The following ANKRD30BL variants were observed in gnomAD, a reference collection of about 807,000 sequenced individuals.
The protein encoded by ANKRD30BL is putative ankyrin repeat domain-containing protein 30B-like.
In ANKRD30BL, 20 loss-of-function variants were observed where a neutral mutation model predicts 18.4. That is an observed-to-expected ratio of 1.09 (90% CI 0.77 to 1.58). The LOEUF (loss-of-function observed/expected upper bound fraction) is 1.58, where lower values mean the gene tolerates loss of function less well. Among genes scored for constraint, ANKRD30BL ranks in the 40% most tolerant of loss-of-function variants. The pLI is 0.00. For synonymous variants in ANKRD30BL, 72 were observed against 100.9 expected, an observed-to-expected ratio of 0.71 and a Z score of 1.72; for missense variants, 224 against 268.6, an observed-to-expected ratio of 0.83 and a Z score of 1.16.
At chr2:132,183,758 T>C (rs1344735380) in intron 1 of ANKRD30BL, among the ~76,000 whole-genome samples, 1 of 152,260 alleles carries the variant, frequency 6.6e-6, no homozygotes, top group Admixed American at 6.5e-5. Context: ...TATGTGTGTA[T>C]ATGTGCATAT....
intron 1 of ANKRD30BL, among the ~76,000 whole-genome samples, chr2:132,197,984 CAGT>C (rs1181246439): frequency 4.6e-5 from 7 of 151,716 alleles, no homozygotes; most frequent in Non-Finnish European, 7.4e-5. Context: ...AAATTATAGA[CAGT>C]AGATTTACTC....
At chr2:132,194,043 T>G (rs1678911414) in intron 1 of ANKRD30BL, among the ~76,000 whole-genome samples, 1 of 126,860 alleles carries the variant, frequency 7.9e-6, no homozygotes, top group African/African-American at 3.4e-5. Flanking sequence ...TCTCTCTCTC[T>G]CTCTCTCTCT....
In ANKRD30BL at chr2:132,184,703, C is replaced by CT. The variant is rs76215687; in HGVS notation, n.442-27558dup. Reference sequence around the variant, plus strand: ...TGAAACGCATCATCCTATATCTTTCCTTTTTTTTTTCTGATTTTGTGACTT... The same window carrying CT: ...TGAAACGCATCATCCTATATCTTTCCTTTTTTTTTTTCTGATTTTGTGACTT... On this transcript the variant is annotated intron_variant and non_coding_transcript_variant, in intron 1 of 4. Transcript: ENST00000470729. Among the ~76,000 whole-genome samples, 243 of 148,198 alleles carry CT rather than the reference C, an allele frequency of 1.6e-3. 1 individual carries two copies. Among genetic ancestry groups the CT allele is most frequent in the East Asian group, 4.7e-3 (24 of 5,084 alleles).
intron 1 of ANKRD30BL, among the ~76,000 whole-genome samples, chr2:132,185,919 T>C (rs1474464347): frequency 2.6e-5 from 4 of 152,150 alleles, no homozygotes; most frequent in Admixed American, 6.6e-5. Context: ...GGAGGACGGA[T>C]CACTTGAGGT....
chr2:132,238,691 C>A (rs879031048), intron 1 of ANKRD30BL, among the ~76,000 whole-genome samples: 2 of 151,174 alleles, frequency 1.3e-5, no homozygotes, highest in African/African-American at 4.9e-5. Context: ...AGATTTGAAC[C>A]TTTCTTTTGA....
At position 132,220,872 on chromosome 2, in the gene ANKRD30BL, A is replaced by G. The variant is rs528402811; in HGVS notation, n.441+36657T>C. On this transcript the variant is annotated intron_variant and non_coding_transcript_variant, in intron 1 of 4. Coordinates refer to the ANKRD30BL transcript ENST00000470729. ...CCTCTGCCTGGCTGCCCAGTCTGGA[A>G]AGTCAGGAGCCTCTGCCCGGCCGCC... Among the ~76,000 whole-genome samples, 20 of 146,620 alleles carry G rather than the reference A, an allele frequency of 1.4e-4. No individual in the cohort carries two copies. The East Asian group carries it at 4.0e-3, about 29-fold the overall frequency.
chr2:132,230,667 G>A (rs1679984213), intron 1 of ANKRD30BL, among the ~76,000 whole-genome samples: 1 of 152,122 alleles, frequency 6.6e-6, no homozygotes, highest in African/African-American at 2.4e-5. Flanking sequence ...CTAGACAGAA[G>A]CATTCTCACA....
intron 1 of ANKRD30BL, among the ~76,000 whole-genome samples, chr2:132,158,556 A>C (rs920307951): frequency 3.3e-5 from 5 of 151,874 alleles, no homozygotes; most frequent in African/African-American, 1.2e-4. Flanking sequence ...CACTTTGCTA[A>C]GGCTGAGCAG....
intron 1 of ANKRD30BL, among the ~76,000 whole-genome samples, chr2:132,225,371 T>C (rs1445673783): frequency 6.6e-6 from 1 of 151,978 alleles, no homozygotes; most frequent in Non-Finnish European, 1.5e-5. Flanking sequence ...TTTGTGATGT[T>C]TGCCTTAAAC....
chr2:132,166,447 G>T (rs1197122859), upstream of ANKRD30BL, among the ~76,000 whole-genome samples: 1 of 151,498 alleles, frequency 6.6e-6, no homozygotes, highest in African/African-American at 2.4e-5. Flanking sequence ...GTGAGGGGGG[G>T]TTATTAACTA....
intron 1 of ANKRD30BL, among the ~76,000 whole-genome samples, chr2:132,208,881 G>C (rs1573842264): frequency 6.6e-6 from 1 of 151,886 alleles, no homozygotes; most frequent in Non-Finnish European, 1.5e-5. Flanking sequence ...ACTTCTTTGT[G>C]ATGTGTGCAT....
At chr2:132,194,075 TCACACACA>T (rs950673271) in intron 1 of ANKRD30BL, among the ~76,000 whole-genome samples, 2 of 139,300 alleles carry the variant, frequency 1.4e-5, no homozygotes, top group African/African-American at 5.3e-5. Flanking sequence ...ACACACACAC[TCACACACA>T]CACACACACT....
At chr2:132,222,876 T>A (rs1270484440) in intron 1 of ANKRD30BL, among the ~76,000 whole-genome samples, 1 of 147,506 alleles carries the variant, frequency 6.8e-6, no homozygotes, top group Non-Finnish European at 1.5e-5. Context: ...AAACACTGTT[T>A]TTGTAGAATC....
chr2:132,178,628 GT>G (rs61018774), intron 1 of ANKRD30BL, among the ~76,000 whole-genome samples: 78,185 of 149,954 alleles, frequency 0.52, 20,459 homozygotes, highest in South Asian at 0.6. Context: ...ATATTTTTAT[GT>G]TTTTTTTTTG....
At chr2:132,233,349 T>C (rs1271350369) in intron 1 of ANKRD30BL, among the ~76,000 whole-genome samples, 6 of 144,824 alleles carry the variant, frequency 4.1e-5, no homozygotes, top group African/African-American at 2.5e-5. Context: ...TAACTTTAAA[T>C]GTAAATGGAC....
intron 1 of ANKRD30BL, among the ~76,000 whole-genome samples, chr2:132,223,180 GA>G (rs1679742964): frequency 6.6e-6 from 1 of 152,112 alleles, no homozygotes; most frequent in Non-Finnish European, 1.5e-5. Flanking sequence ...TCACAGAGTT[GA>G]ACCTTTCTTT....
chr2:132,188,315 A>T (rs1164374647), intron 1 of ANKRD30BL, among the ~76,000 whole-genome samples: 1 of 152,200 alleles, frequency 6.6e-6, no homozygotes, highest in African/African-American at 2.4e-5. Context: ...TAATTTTCGA[A>T]TCTCAAAATA....
At position 132,185,391 on chromosome 2, in the gene ANKRD30BL, C is replaced by A. The variant is rs1021647289; in HGVS notation, n.442-28245G>T. ...GTCTAAACAGTGCATTGCAGGAGCC[C>A]CTTTCCTTTCTGTGCTGTTTTATTT... On this transcript the variant is annotated intron_variant and non_coding_transcript_variant, in intron 1 of 4. Transcript: ENST00000470729. 1.4e-4 allele frequency among the ~76,000 whole-genome samples: 21 copies of A among 152,156 alleles called. No homozygotes were observed. In the South Asian group the frequency reaches 1.7e-3, roughly 12 times the overall value.
At chr2:132,199,430 A>G (rs1359070731) in intron 1 of ANKRD30BL, among the ~76,000 whole-genome samples, 11 of 152,158 alleles carry the variant, frequency 7.2e-5, no homozygotes, top group African/African-American at 2.7e-4. Context: ...AATACTTTGC[A>G]TGAAGATGAT....
Sources: gnomAD v4.1 joint callset for allele counts (sites outside exome capture counted in the v4.1 genomes callset) on GRCh38, gnomAD v4.1.1 for gene constraint, MANE v1.5 for transcripts, NCBI Gene and HGNC (gene_info 2026-07-23, HGNC 2026-07-21) for gene names.